TAAR5: variants seen among roughly 807,000 people sequenced by gnomAD.
TAAR5 encodes the protein trace amine associated receptor 5, also known as trace amine-associated receptor 5.
Under a neutral mutation model 21.1 loss-of-function variants are expected in TAAR5, and 27 were observed. That is an observed-to-expected ratio of 1.28 (90% confidence interval 0.94 to 1.76). The LOEUF (loss-of-function observed/expected upper bound fraction) is 1.76, where lower values mean the gene tolerates loss of function less well. TAAR5 is among the 40% of genes most tolerant of loss of function. TAAR5 has a pLI of 0.00. For synonymous variants in TAAR5, 203 were observed against 167.5 expected (o/e 1.21, Z -1.64); for missense variants, 495 against 405.6 (o/e 1.22, Z -1.89).
chr6:132,588,946 C>T lies in TAAR5; in HGVS notation c.741G>A (p.Glu247=), dbSNP rs764860165. The T allele has an allele frequency of 5.0e-6, 8 of 1,614,114 alleles. No individual in the cohort carries two copies. The Admixed American group carries it at 5.0e-5, about 10-fold the overall frequency. Residue 247 remains glutamate (E), a synonymous_variant, in exon 1 of 1, where the codon GAG becomes GAA. Coordinates refer to ENST00000258034, the MANE Select transcript of TAAR5 (RefSeq NM_003967.3). ...SKSLAGAAKH[E]RKAAKTLGIA... ...TGCCCAGGGTCTTGGCAGCTTTTCT[C>T]TCATGCTTGGCAGCCCCAGCCAGGC...
chr6:132,601,111 G>GGGGGGAAGGAGGGAAAGAA, the TAAR5 span, among the ~76,000 whole-genome samples: 1 of 29,938 alleles, frequency 3.3e-5, no homozygotes, highest in Admixed American at 2.6e-4. Context: ...GAGGGAAGAA[G>GGGGGGAAGGAGGGAAAGAA]GGAAGGAGGG....
At chr6:132,608,766 G>A in the TAAR5 span, 7 of 455,786 alleles carry the variant, frequency 1.5e-5, no homozygotes, top group Middle Eastern at 3.2e-4. Flanking sequence ...CGGAAACATC[G>A]GCCTCAGATA....
Position 132,588,665 on chromosome 6 carries a change from A to G in TAAR5, c.*8T>C, listed in dbSNP as rs1776848972. On this transcript the variant is annotated 3_prime_UTR_variant, in exon 1 of 1. Transcript: ENST00000258034. ...GTCCTACTCCTTGCCTGCATTTAGT[A>G]GAAGGAATCATTCTTGGTACAAATC... 4 of 1,602,294 alleles carry G rather than the reference A, an allele frequency of 2.5e-6. No homozygotes were observed. In the East Asian group the frequency reaches 8.9e-5, roughly 36 times the overall value.
At chr6:132,603,182 G>A in the TAAR5 span, among the ~76,000 whole-genome samples, 1 of 151,422 alleles carries the variant, frequency 6.6e-6, no homozygotes, top group Non-Finnish European at 1.5e-5. Context: ...TGTGTCTGTG[G>A]TTTCAGCTAC....
chr6:132,601,839 A>G, the TAAR5 span, among the ~76,000 whole-genome samples: 33 of 152,204 alleles, frequency 2.2e-4, no homozygotes, highest in African/African-American at 7.0e-4. Flanking sequence ...AGCAATATGT[A>G]CATACAAGAT....
At chr6:132,602,615 C>T in the TAAR5 span, among the ~76,000 whole-genome samples, 1 of 152,208 alleles carries the variant, frequency 6.6e-6, no homozygotes, top group South Asian at 2.1e-4. Flanking sequence ...CAGTTCCTAA[C>T]AGTCCAAGGA....
At chr6:132,595,767 G>A in the TAAR5 span, among the ~76,000 whole-genome samples, 8 of 152,168 alleles carry the variant, frequency 5.3e-5, no homozygotes, top group Non-Finnish European at 1.2e-4. Context: ...TCCGTAGGCA[G>A]ATTGAGTTTT....
At chr6:132,589,828 C>T, upstream of TAAR5, 1 of 656,240 alleles carries the variant, frequency 1.5e-6, no homozygotes, top group Non-Finnish European at 2.4e-6. Context: ...AACTAAAGTA[C>T]AGTTTGGAAC....
chr6:132,602,966 T>C, the TAAR5 span, among the ~76,000 whole-genome samples: 1 of 152,026 alleles, frequency 6.6e-6, no homozygotes, highest in Non-Finnish European at 1.5e-5. Flanking sequence ...TCAGATAACA[T>C]TGCAATAAGA....
chr6:132,609,513 T>C, the TAAR5 span, among the ~76,000 whole-genome samples: 2 of 152,234 alleles, frequency 1.3e-5, no homozygotes, highest in Non-Finnish European at 2.9e-5. Context: ...TTCTTTTCTG[T>C]GTTATTCTAT....
chr6:132,591,899 A>G (rs564598222), upstream of TAAR5, among the ~76,000 whole-genome samples: 18 of 152,338 alleles, frequency 1.2e-4, no homozygotes, highest in South Asian at 1.7e-3. Flanking sequence ...CTGTGTCACA[A>G]TCTTGTGAAT....
At chr6:132,608,208 C>A in the TAAR5 span, 4 of 383,388 alleles carry the variant, frequency 1.0e-5, no homozygotes, top group African/African-American at 6.3e-5. Flanking sequence ...ATAACAATCT[C>A]ATTTGCAATA....
upstream of TAAR5, among the ~76,000 whole-genome samples, chr6:132,590,615 A>G (rs907541627): frequency 6.6e-6 from 1 of 152,192 alleles, no homozygotes; most frequent in Non-Finnish European, 1.5e-5. Context: ...TAACGATTTT[A>G]TACTCTCAAT....
At chr6:132,605,089 T>C in the TAAR5 span, among the ~76,000 whole-genome samples, 1 of 152,212 alleles carries the variant, frequency 6.6e-6, no homozygotes, top group Non-Finnish European at 1.5e-5. Flanking sequence ...TGCTTCCCAA[T>C]GGTAAACTGT....
rs762064070 is a variant in TAAR5 at position 132,589,468 on chromosome 6, C to G, written c.219G>C (p.Leu73=). The G allele has an allele frequency of 1.2e-6, 2 of 1,613,616 alleles. No homozygotes were observed. Among genetic ancestry groups the G allele is most frequent in the Non-Finnish European group, 1.7e-6 (2 of 1,179,838 alleles). Residue 73 remains leucine (L), a synonymous_variant, in exon 1 of 1, where the codon CTG becomes CTC. Transcript: ENST00000258034. ...KALHTPTNFL[L]LSLALADMFL... is the part of the protein sequence containing the mutation. ...ACATGTCAGCCAGGGCCAGGGAGAGCAGCAGGAAGTTGGTGGGCGTGTGAA... is the reference window on the plus strand; with the variant it reads ...ACATGTCAGCCAGGGCCAGGGAGAGGAGCAGGAAGTTGGTGGGCGTGTGAA...
chr6:132,588,985 G>C lies in TAAR5; in HGVS notation c.702C>G (p.Thr234=). 1 of 1,613,990 alleles carries C rather than the reference G, an allele frequency of 6.2e-7. No individual in the cohort carries two copies. The highest frequency in any genetic ancestry group is 8.5e-7 in the Non-Finnish European group (1 of 1,179,972). Residue 234 remains threonine, a synonymous_variant, in exon 1 of 1, where the codon ACC becomes ACG. Coordinates refer to ENST00000258034, the MANE Select transcript of TAAR5 (RefSeq NM_003967.3). ...VVATRQAQQI[T]TLSKSLAGAA... ...CCCCAGCCAGGCTTTTGCTCAATGTGGTAATCTGCTGAGCCTGTCTGGTAG... is the reference window on the plus strand; with the variant it reads ...CCCCAGCCAGGCTTTTGCTCAATGTCGTAATCTGCTGAGCCTGTCTGGTAG...
At chr6:132,592,013 T>A (rs12523812), upstream of TAAR5, among the ~76,000 whole-genome samples, 38,955 of 152,106 alleles carry the variant, frequency 0.26, 5,889 homozygotes, top group Non-Finnish European at 0.35. Flanking sequence ...CTGTTAACCT[T>A]CCCAAGTTAG....
At chr6:132,608,670 A>G in the TAAR5 span, 1 of 456,064 alleles carries the variant, frequency 2.2e-6, no homozygotes, top group Middle Eastern at 3.3e-4. Context: ...AGAAACATGT[A>G]GTGAACAATA....
upstream of TAAR5, among the ~76,000 whole-genome samples, chr6:132,593,513 G>C (rs543710221): frequency 2.6e-5 from 4 of 152,282 alleles, no homozygotes; most frequent in African/African-American, 9.6e-5. Context: ...GTCCTGGGAA[G>C]AGGAGATTTG....
Sources: gnomAD v4.1 joint callset for allele counts (sites outside exome capture counted in the v4.1 genomes callset) on GRCh38, gnomAD v4.1.1 for gene constraint, MANE v1.5 for transcripts, NCBI Gene and HGNC (gene_info 2026-07-23, HGNC 2026-07-21) for gene names.